Variants in PACSIN1 observed in about 807,000 individuals in gnomAD.
The protein encoded by PACSIN1 is protein kinase C and casein kinase substrate in neurons protein 1.
In PACSIN1, 15 loss-of-function variants were observed where a neutral mutation model predicts 59.5. The ratio of observed to expected loss-of-function variants is 0.25; its 90% CI spans 0.17 to 0.39. The LOEUF is 0.39. Ranked by LOEUF, PACSIN1 falls within the 10% of genes least tolerant of loss-of-function variation. The probability of loss-of-function intolerance (pLI) is 1.00; values close to 1 mark genes in which losing one functional copy is unlikely to be tolerated. For missense variants in PACSIN1, 420 were observed against 580.2 expected (o/e 0.72, Z 2.84); for synonymous variants, 210 against 220.6 (o/e 0.95, Z 0.42).
intron 1 of PACSIN1, among the ~76,000 whole-genome samples, chr6:34,503,866 T>A (rs1444990911): frequency 6.6e-6 from 1 of 152,226 alleles, no homozygotes; most frequent in African/African-American, 2.4e-5. Context: ...TAGAAAATAT[T>A]TCCAGTGCCC....
At chr6:34,493,276 G>T (rs994107339) in intron 1 of PACSIN1, among the ~76,000 whole-genome samples, 2 of 152,166 alleles carry the variant, frequency 1.3e-5, no homozygotes, top group Non-Finnish European at 2.9e-5. Context: ...GGTGGCACAG[G>T]GCATAACATT....
At chr6:34,482,483 C>T (rs1198488800) in intron 1 of PACSIN1, among the ~76,000 whole-genome samples, 1 of 152,188 alleles carries the variant, frequency 6.6e-6, no homozygotes, top group Non-Finnish European at 1.5e-5. Context: ...TATTCCATTG[C>T]ATGAATATAC....
intron 4 of PACSIN1, 38 bp downstream of exon 4, chr6:34,528,915 G>GGGGGGGGGGGGGGGGGC: frequency 1.5e-6 from 1 of 653,168 alleles, no homozygotes. Flanking sequence ...GGTGGGGTGG[G>GGGGGGGGGGGGGGGGGC]CCCGTCTGAT....
In PACSIN1 at chr6:34,490,724, AAGAC is replaced by A. The variant is rs1766863950; in HGVS notation, c.-64+24458_-64+24461del. Among the ~76,000 whole-genome samples the A allele has an allele frequency of 5.3e-5, 8 of 152,248 alleles. No homozygotes were observed. In the South Asian group the frequency reaches 1.7e-3, roughly 32 times the overall value. ...AGGTGCCTGCCCGGCCTTCCTGAAG[AAGAC>A]AGATAGTGAGTGGGTTTCTGGCCAG... On this transcript the variant is annotated intron_variant, in intron 1 of 9. Coordinates refer to ENST00000244458, the MANE Select transcript of PACSIN1 (RefSeq NM_020804.5).
chr6:34,487,615 G>A (rs189867696), intron 1 of PACSIN1, among the ~76,000 whole-genome samples: 2 of 152,224 alleles, frequency 1.3e-5, no homozygotes, highest in Admixed American at 6.5e-5. Flanking sequence ...AGAGGCCTCA[G>A]CTGACCCCAC....
intron 3 of PACSIN1, 75 bp downstream of exon 3, chr6:34,527,563 G>A: frequency 2.9e-6 from 4 of 1,372,024 alleles, no homozygotes. Context: ...TAGGAGCCCC[G>A]GCTACTTGCA....
rs1295967887 is a variant in PACSIN1 at position 34,532,490 on chromosome 6, A to G, written c.1295A>G (p.Gln432Arg). 1 of 1,567,720 alleles carries G rather than the reference A, an allele frequency of 6.4e-7. No individual in the cohort carries two copies. The highest frequency in any genetic ancestry group is 8.7e-7 in the Non-Finnish European group (1 of 1,155,828). Residue 432 changes from glutamine (Q) to arginine (R), a missense_variant, in exon 10 of 10, where the codon CAG (glutamine) becomes CGG (arginine). Gln to Arg is a conservative substitution (Grantham distance 43, BLOSUM62 1). Transcript: ENST00000244458. The surrounding 1 kb of genome is among the most constrained non-coding windows in gnomAD (Gnocchi z 5.2). ...GWCRGRLDSG[Q>R]LGLYPANYVE... ...TGCCGTGGGCGGCTGGACAGCGGGC[A>G]GCTGGGCCTCTACCCTGCCAACTAC...
At position 34,515,192 on chromosome 6, in the gene PACSIN1, G is replaced by C. The variant is rs1163329770; in HGVS notation, c.-63-11051G>C. ...GCTGGAGGGGCCGGGCCAGGGACCAGGCTGGGGAGCGGGGTGTGGGGCGCA... is the reference window on the plus strand; with the variant it reads ...GCTGGAGGGGCCGGGCCAGGGACCACGCTGGGGAGCGGGGTGTGGGGCGCA... On this transcript the variant is annotated intron_variant, in intron 1 of 9. Coordinates refer to ENST00000244458, the MANE Select transcript of PACSIN1 (RefSeq NM_020804.5). This position sits in a 1 kb window ranked among gnomAD's most constrained non-coding sequence, Gnocchi z 4.4. 1 of 152,780 alleles carries C rather than the reference G, an allele frequency of 6.5e-6. No homozygotes were observed. Among genetic ancestry groups the C allele is most frequent in the East Asian group, 1.9e-4 (1 of 5,198 alleles). The allele number at this position is 152,780 out of a possible 1,614,324, so 9.5% of individuals were successfully genotyped here. A position where few individuals can be genotyped will look rare whatever the true frequency, so the allele number is the denominator to read the frequency against.
intron 1 of PACSIN1, among the ~76,000 whole-genome samples, chr6:34,503,548 C>T (rs116779278): frequency 0.048 from 7,328 of 152,176 alleles, 268 homozygotes; most frequent in Middle Eastern, 0.092. Context: ...ACTGTGGTTG[C>T]GAGTACCCTT....
At chr6:34,510,419 T>C (rs1220303079) in intron 1 of PACSIN1, among the ~76,000 whole-genome samples, 1 of 152,212 alleles carries the variant, frequency 6.6e-6, no homozygotes, top group Admixed American at 6.5e-5. Flanking sequence ...GCCTCTTCTT[T>C]ATCACTACCT....
At chr6:34,471,094 G>A (rs564407314) in intron 1 of PACSIN1, among the ~76,000 whole-genome samples, 6 of 151,990 alleles carry the variant, frequency 3.9e-5, no homozygotes, top group East Asian at 3.9e-4. Flanking sequence ...TACAGGTGCC[G>A]GCCACCACAC....
intron 1 of PACSIN1, among the ~76,000 whole-genome samples, chr6:34,497,656 A>G (rs903264150): frequency 3.3e-5 from 5 of 152,156 alleles, no homozygotes; most frequent in African/African-American, 1.2e-4. Flanking sequence ...CTCTGTTGCC[A>G]TCCGACTCTG....
intron 1 of PACSIN1, among the ~76,000 whole-genome samples, chr6:34,524,142 C>T (rs776980513): frequency 2.6e-5 from 4 of 152,134 alleles, no homozygotes; most frequent in Non-Finnish European, 5.9e-5. Context: ...TGGACCCCAG[C>T]AAGTTCCAAG....
chr6:34,531,891 G>C lies in PACSIN1; in HGVS notation c.1225+104G>C, dbSNP rs1331529275. 1 of 1,085,812 alleles carries C rather than the reference G, an allele frequency of 9.2e-7. No homozygotes were observed. The highest frequency in any genetic ancestry group is 1.3e-6 in the Non-Finnish European group (1 of 759,510). 67.3% of individuals were successfully genotyped at this position (1,085,812 alleles called of 1,614,324 possible). A position where few individuals can be genotyped will look rare whatever the true frequency, so the allele number is the denominator to read the frequency against. On this transcript the variant is annotated intron_variant, in intron 9 of 9. Transcript: ENST00000244458. The surrounding 1 kb of genome is among the most constrained non-coding windows in gnomAD (Gnocchi z 4.4). Reference sequence around the variant, plus strand: ...GAGAGAGAAGCTTGGGTCTGGATTGGGTGTGTGGTGGTGCAGGGGCGGTGC... The same window carrying C: ...GAGAGAGAAGCTTGGGTCTGGATTGCGTGTGTGGTGGTGCAGGGGCGGTGC...
intron 3 of PACSIN1, among the ~76,000 whole-genome samples, chr6:34,527,975 A>G (rs572795858): frequency 6.6e-6 from 1 of 152,374 alleles, no homozygotes; most frequent in Admixed American, 6.5e-5. Context: ...ACGCACATTT[A>G]CCATGGCAAT....
intron 1 of PACSIN1, among the ~76,000 whole-genome samples, chr6:34,511,185 G>T (rs1767197122): frequency 6.6e-6 from 1 of 152,216 alleles, no homozygotes; most frequent in African/African-American, 2.4e-5. Flanking sequence ...AATGCATGAA[G>T]AAACTAGCAT....
chr6:34,508,004 T>C (rs1767139588), intron 1 of PACSIN1, among the ~76,000 whole-genome samples: 2 of 152,276 alleles, frequency 1.3e-5, no homozygotes, highest in African/African-American at 4.8e-5. Flanking sequence ...AATGCTGCGA[T>C]GAACACAGGA....
intron 1 of PACSIN1, among the ~76,000 whole-genome samples, chr6:34,492,008 T>A (rs1766884577): frequency 6.6e-6 from 1 of 152,162 alleles, no homozygotes; most frequent in Admixed American, 6.5e-5. Flanking sequence ...TTTGGTGGAA[T>A]GATGTGTTTT....
intron 1 of PACSIN1, among the ~76,000 whole-genome samples, chr6:34,499,902 A>T (rs1767000162): frequency 6.6e-6 from 1 of 152,238 alleles, no homozygotes; most frequent in South Asian, 2.1e-4. Flanking sequence ...CAAAAGGAAA[A>T]AAATAAATTG....
Sources: gnomAD v4.1 joint callset for allele counts (sites outside exome capture counted in the v4.1 genomes callset) on GRCh38, gnomAD v4.1.1 for gene constraint, Gnocchi (gnomAD v3.1) non-coding constraint, MANE v1.5 for transcripts, NCBI Gene and HGNC (gene_info 2026-07-23, HGNC 2026-07-21) for gene names.